Variants in FLT4 observed in about 807,000 individuals in gnomAD.
The protein encoded by FLT4 is vascular endothelial growth factor receptor 3.
FLT4 carries 30 observed loss-of-function variants against 163.2 expected under a neutral mutation model. The ratio of observed to expected loss-of-function variants is 0.18; its 90% CI spans 0.14 to 0.25. FLT4 has a LOEUF of 0.25. Ranked by LOEUF, FLT4 falls within the 10% of genes least tolerant of loss-of-function variation. The probability of loss-of-function intolerance (pLI) is 1.00; values close to 1 mark genes in which losing one functional copy is unlikely to be tolerated. For synonymous variants in FLT4, 884 were observed against 789.5 expected, an observed-to-expected ratio of 1.12 and a Z score of -2.01; for missense variants, 1,510 against 1,863.8, an observed-to-expected ratio of 0.81 and a Z score of 3.50.
chr5:180,610,644 T>A (rs307831), intron 27 of FLT4, among the ~76,000 whole-genome samples: 140,472 of 152,232 alleles, frequency 0.92, 65,606 homozygotes, highest in Non-Finnish European at 1. Context: ...ATAGTTGGAG[T>A]CCTTCCCTGC....
intron 1 of FLT4, among the ~76,000 whole-genome samples, chr5:180,641,963 C>A (rs1765149341): frequency 1.3e-5 from 2 of 152,098 alleles, no homozygotes. Flanking sequence ...AATCACAGCA[C>A]TTTGGGAGGC....
rs1764069665 is a variant in FLT4, at chr5:180,630,912, A to C, written c.156-113T>G. 8 of 1,316,622 alleles carry C rather than the reference A, an allele frequency of 6.1e-6. No homozygotes were observed. The highest frequency in any genetic ancestry group is 8.2e-6 in the Non-Finnish European group (8 of 979,058). The allele number at this position is 1,316,622 out of a possible 1,614,324, so 81.6% of individuals were successfully genotyped here. A position where few individuals can be genotyped will look rare whatever the true frequency, so the allele number is the denominator to read the frequency against. On this transcript the variant is annotated intron_variant, in intron 2 of 29. Transcript: ENST00000261937. This position sits in a 1 kb window ranked among gnomAD's most constrained non-coding sequence, Gnocchi z 6.3. ...AGGTTTGTCTTACCCAGAGCATGGA[A>C]CTGCCCAGGGTTTGGGCGCACACTA...
At chr5:180,603,903 TAA>T (rs3053717) in intron 29 of FLT4, among the ~76,000 whole-genome samples, 2 of 142,768 alleles carry the variant, frequency 1.4e-5, no homozygotes, top group African/African-American at 5.2e-5. Context: ...GACTCCATCT[TAA>T]AAAAAAAAAA....
At position 180,620,088 on chromosome 5, in the gene FLT4, G is replaced by A. The variant is rs1763005953; in HGVS notation, c.2542+85C>T. 4 of 1,512,818 alleles carry A rather than the reference G, an allele frequency of 2.6e-6. No individual in the cohort carries two copies. In the African/African-American group the frequency reaches 4.1e-5, roughly 16 times the overall value. The allele number at this position is 1,512,818 out of a possible 1,614,324, so 93.7% of individuals were successfully genotyped here. Reference sequence around the variant, plus strand: ...GGCGGAACTTCCTGGTGCAAGTTTTGAAAATGGAGGGATTCAGGCACTCCG... The same window carrying A: ...GGCGGAACTTCCTGGTGCAAGTTTTAAAAATGGAGGGATTCAGGCACTCCG... On this transcript the variant is annotated intron_variant, in intron 17 of 29. Transcript: ENST00000261937. The surrounding 1 kb of genome is among the most constrained non-coding windows in gnomAD (Gnocchi z 4.4).
chr5:180,628,411 T>C (rs11743122), intron 8 of FLT4, among the ~76,000 whole-genome samples: 41,953 of 152,178 alleles, frequency 0.28, 6,483 homozygotes, highest in Middle Eastern at 0.41. Flanking sequence ...GGAAGCTCTC[T>C]CGCTCGCTGC....
intron 29 of FLT4, 92 bp from the exon 30 acceptor site, chr5:180,603,482 C>T: frequency 1.7e-6 from 2 of 1,178,022 alleles, no homozygotes; most frequent in East Asian, 2.5e-5. Context: ...GAGGCCTAGG[C>T]AGGCGGATGG....
chr5:180,646,976 G>A (rs1366187761), intron 1 of FLT4, among the ~76,000 whole-genome samples: 1 of 152,156 alleles, frequency 6.6e-6, no homozygotes, highest in East Asian at 1.9e-4. Context: ...AGAGCCCTGA[G>A]CTGGAGCAGA....
intron 10 of FLT4, among the ~76,000 whole-genome samples, chr5:180,625,070 C>A (rs1041429881): frequency 2.6e-5 from 4 of 152,208 alleles, no homozygotes; most frequent in Non-Finnish European, 4.4e-5. Context: ...CCCCCACTGA[C>A]CACACCAGAG....
chr5:180,637,021 C>T (rs1366237790), intron 1 of FLT4, among the ~76,000 whole-genome samples: 1 of 152,124 alleles, frequency 6.6e-6, no homozygotes, highest in Non-Finnish European at 1.5e-5. Context: ...TGCTCCTCCC[C>T]TCTCACTCTC....
intron 26 of FLT4, chr5:180,611,823 T>G: frequency 5.0e-6 from 2 of 396,966 alleles, no homozygotes; most frequent in Non-Finnish European, 4.7e-6. Context: ...CCTCGCTAAG[T>G]TCTCCCAACA....
At chr5:180,628,318 C>T (rs1763799076) in intron 8 of FLT4, among the ~76,000 whole-genome samples, 1 of 152,208 alleles carries the variant, frequency 6.6e-6, no homozygotes, top group African/African-American at 2.4e-5. Flanking sequence ...ACAGGGCCAC[C>T]CCTGAGGCCT....
At position 180,630,792 on chromosome 5, in the gene FLT4, G is replaced by T; in HGVS notation, c.163C>A (p.His55Asn). 1 of 1,602,634 alleles carries T rather than the reference G, an allele frequency of 6.2e-7. No homozygotes were observed. ...DSLSISCRGQ[H>N]PLEWAWPGAQ... ...CCTGGCCAAGCCCACTCGAGGGGGT[G>T]CTGTCCCCTGGCAGAGGACAGGAGT... Residue 55 changes from histidine to asparagine, a missense_variant, in exon 3 of 30, where the codon CAC becomes AAC. By Grantham distance (68) the His-to-Asn change is moderately conservative (BLOSUM62 1). Around this residue, in one of 5 missense-constraint regions of FLT4, gnomAD observed 157 missense variants for 178.7 expected, o/e 0.88. Coordinates refer to ENST00000261937, the MANE Select transcript of FLT4 (RefSeq NM_182925.5). This position sits in a 1 kb window ranked among gnomAD's most constrained non-coding sequence, Gnocchi z 6.3.
intron 1 of FLT4, among the ~76,000 whole-genome samples, chr5:180,648,072 C>T (rs1262961410): frequency 1.3e-5 from 2 of 152,196 alleles, no homozygotes; most frequent in African/African-American, 4.8e-5. Context: ...GTGCCTGTCC[C>T]ATGTCTCCTC....
intron 24 of FLT4, 193 bp downstream of exon 24, chr5:180,613,875 G>C: frequency 3.0e-6 from 2 of 656,952 alleles, no homozygotes; most frequent in Non-Finnish European, 5.6e-6. Flanking sequence ...CACGTTGGAG[G>C]CAAAGTCCTC....
Position 180,623,855 on chromosome 5 carries a change from G to T in FLT4, c.1548+80C>A. 6.3e-7 allele frequency: 1 copy of T among 1,580,330 alleles called. No individual in the cohort carries two copies. On this transcript the variant is annotated intron_variant, in intron 11 of 29. Transcript: ENST00000261937. This position sits in a 1 kb window ranked among gnomAD's most constrained non-coding sequence, Gnocchi z 5.8. ...CTGCCCAGCACTCTGGAAGCCAGGT[G>T]GAAACCACATGGCAGTAATGGCCTC...
intron 18 of FLT4, 112 bp from the exon 19 acceptor site, chr5:180,619,478 C>T (rs777418035): frequency 4.2e-6 from 4 of 955,550 alleles, no homozygotes; most frequent in East Asian, 4.9e-5. Flanking sequence ...GACATCCTGC[C>T]GGCCCCACTG....
intron 12 of FLT4, 24 bp from the exon 13 acceptor site, chr5:180,621,928 G>A (rs1763180349): frequency 6.2e-7 from 1 of 1,612,610 alleles, no homozygotes; most frequent in Admixed American, 1.7e-5. Flanking sequence ...AAGAAGCCCT[G>A]TGGCACTGCC....
At chr5:180,638,161 T>C (rs1242908201) in intron 1 of FLT4, among the ~76,000 whole-genome samples, 1 of 152,170 alleles carries the variant, frequency 6.6e-6, no homozygotes, top group Admixed American at 6.5e-5. Context: ...TCCAGACACC[T>C]CCCAGGTCTC....
At position 180,629,937 on chromosome 5, in the gene FLT4, T is replaced by A. The variant is rs1423814429; in HGVS notation, c.676+6A>T. 6.2e-7 allele frequency: 1 copy of A among 1,612,584 alleles called. No homozygotes were observed. Among genetic ancestry groups the A allele is most frequent in the Non-Finnish European group, 8.5e-7 (1 of 1,179,874 alleles). On this transcript the variant is annotated splice_donor_region_variant and intron_variant, in intron 5 of 29. Coordinates refer to ENST00000261937, the MANE Select transcript of FLT4 (RefSeq NM_182925.5). The stretch of plus-strand genomic sequence containing the variant: ...CGTTACTGGGAACGGGGCACAGCCC[T>A]GTTACCTGTGATGTGCACCAGGAAG...
Sources: gnomAD v4.1 joint callset for allele counts (sites outside exome capture counted in the v4.1 genomes callset) on GRCh38, gnomAD v4.1.1 for gene constraint, gnomAD v4.1.1 regional missense constraint, Gnocchi (gnomAD v3.1) non-coding constraint, MANE v1.5 for transcripts, NCBI Gene and HGNC (gene_info 2026-07-23, HGNC 2026-07-21) for gene names.